MAST4: variants seen among roughly 807,000 people sequenced by gnomAD.
MAST4 encodes microtubule associated serine/threonine kinase family member 4.
A neutral mutation model predicts 162.7 loss-of-function variants in MAST4; 89 were observed. The ratio of observed to expected loss-of-function variants is 0.55; its 90% CI spans 0.46 to 0.65. The LOEUF is 0.65. Among genes scored for constraint, MAST4 ranks in the 30% least tolerant of loss-of-function variants. The probability of loss-of-function intolerance (pLI) is 0.00; values close to 1 mark genes in which losing one functional copy is unlikely to be tolerated. For missense variants in MAST4, 3,153 were observed against 3,374.0 expected (o/e 0.93, Z 1.62); for synonymous variants, 1,479 against 1,361.1 (o/e 1.09, Z -1.91).
intron 4 of MAST4, among the ~76,000 whole-genome samples, chr5:67,029,752 T>C (rs1755089317): frequency 6.6e-6 from 1 of 152,132 alleles, no homozygotes; most frequent in South Asian, 2.1e-4. Context: ...GTGGATGGAA[T>C]AGTAGGAGTT....
intron 3 of MAST4, among the ~76,000 whole-genome samples, chr5:66,832,529 T>C (rs1757680912): frequency 6.6e-6 from 1 of 152,178 alleles, no homozygotes; most frequent in Admixed American, 6.5e-5. Context: ...TGGTCTAGAA[T>C]TCAATTTTAG....
chr5:66,955,265 G>A (rs1372984691), intron 4 of MAST4, among the ~76,000 whole-genome samples: 1 of 151,608 alleles, frequency 6.6e-6, no homozygotes, highest in Admixed American at 6.6e-5. Flanking sequence ...TTTTCAAATA[G>A]GGTCAAGCAA....
intron 1 of MAST4, among the ~76,000 whole-genome samples, chr5:66,711,191 T>A (rs1387116683): frequency 2.0e-5 from 3 of 152,278 alleles, no homozygotes; most frequent in Admixed American, 2.0e-4. Context: ...CATTTCTGCA[T>A]GGTTATGCCA....
intron 13 of MAST4, among the ~76,000 whole-genome samples, chr5:67,120,416 G>T (rs995023420): frequency 6.6e-6 from 1 of 152,238 alleles, no homozygotes; most frequent in African/African-American, 2.4e-5. Flanking sequence ...GGGCATGAGA[G>T]AATTTTTTTA....
At chr5:67,056,512 T>G (rs914648034) in intron 5 of MAST4, among the ~76,000 whole-genome samples, 2 of 152,234 alleles carry the variant, frequency 1.3e-5, no homozygotes, top group African/African-American at 4.8e-5. Flanking sequence ...GATTCATCTT[T>G]TATAGCTGTG....
chr5:66,677,411 A>T (rs775314530), intron 1 of MAST4, among the ~76,000 whole-genome samples: 3 of 152,094 alleles, frequency 2.0e-5, no homozygotes, highest in Non-Finnish European at 2.9e-5. Context: ...ATTGTTCTGG[A>T]GTAATGAAAA....
intron 1 of MAST4, among the ~76,000 whole-genome samples, chr5:66,693,949 G>T (rs1749227407): frequency 6.6e-6 from 1 of 152,168 alleles, no homozygotes; most frequent in African/African-American, 2.4e-5. Flanking sequence ...AAAAGGCTTA[G>T]GTAGCTAAGG....
At chr5:66,811,903 A>C (rs1756498072) in intron 3 of MAST4, among the ~76,000 whole-genome samples, 2 of 152,240 alleles carry the variant, frequency 1.3e-5, no homozygotes, top group South Asian at 4.1e-4. Flanking sequence ...TGACTTTAGG[A>C]ATCAATACTG....
intron 1 of MAST4, among the ~76,000 whole-genome samples, chr5:66,656,716 G>A (rs192842037): frequency 3.9e-5 from 6 of 152,280 alleles, no homozygotes; most frequent in East Asian, 1.9e-4. Flanking sequence ...CATTGCAAGC[G>A]CACCTGCTTT....
chr5:66,823,481 C>T (rs1167030555), intron 3 of MAST4, among the ~76,000 whole-genome samples: 1 of 152,090 alleles, frequency 6.6e-6, no homozygotes, highest in East Asian at 1.9e-4. Context: ...CAAATGTTGG[C>T]CTTTGTTTTG....
At position 67,165,361 on chromosome 5, in the gene MAST4, T is replaced by G; in HGVS notation, c.6182T>G (p.Leu2061Arg). The G allele has an allele frequency of 6.2e-7, 1 of 1,613,692 alleles. No homozygotes were observed. Among genetic ancestry groups the G allele is most frequent in the Non-Finnish European group, 8.5e-7 (1 of 1,179,862 alleles). ...CCCCCGCCCAGAGACAACTCCTCTC[T>G]GCACTCAGCTGGAATTCCCTGTGAG... The part of the protein sequence containing the change: ...ARPPPRDNSS[L>R]HSAGIPCEKE... Residue 2061 changes from leucine to arginine, a missense_variant, in exon 29 of 29, where the codon CTG (leucine) becomes CGG (arginine). Coordinates refer to ENST00000403625, the MANE Select transcript of MAST4 (RefSeq NM_001164664.2).
At chr5:67,015,950 T>C (rs1318124796) in intron 4 of MAST4, among the ~76,000 whole-genome samples, 1 of 152,208 alleles carries the variant, frequency 6.6e-6, no homozygotes, top group African/African-American at 2.4e-5. Context: ...TCACATCACG[T>C]CATTTTTTCA....
Position 67,167,264 on chromosome 5 carries a change from CAAAAAAAAAAAAAAAA to C in MAST4, c.*227_*242del, listed in dbSNP as rs34486167. ...AAACTGTTACCAGATAGTGTTTGTA[CAAAAAAAAAAAAAAAA>C]AAAAAAAAAAAAATTACCTTTACAG... On this transcript the variant is annotated 3_prime_UTR_variant, in exon 29 of 29. Coordinates refer to ENST00000403625, the MANE Select transcript of MAST4 (RefSeq NM_001164664.2). 2 of 77,074 alleles carry C rather than the reference CAAAAAAAAAAAAAAAA, an allele frequency of 2.6e-5. No individual in the cohort carries two copies. Among genetic ancestry groups the C allele is most frequent in the East Asian group, 4.1e-4 (1 of 2,440 alleles). 4.8% of individuals were successfully genotyped at this position (77,074 alleles called of 1,614,324 possible).
At chr5:67,012,578 A>G (rs890357354) in intron 4 of MAST4, among the ~76,000 whole-genome samples, 1 of 152,218 alleles carries the variant, frequency 6.6e-6, no homozygotes, top group Non-Finnish European at 1.5e-5. Flanking sequence ...AGATGAAAGT[A>G]GATACAAAGT....
chr5:66,652,891 A>G (rs1173845891), intron 1 of MAST4, among the ~76,000 whole-genome samples: 1 of 152,178 alleles, frequency 6.6e-6, no homozygotes, highest in Non-Finnish European at 1.5e-5. Context: ...CTCCCCACTA[A>G]GTACCAACCT....
In MAST4 at chr5:66,687,568, A is replaced by C. The variant is rs187924820; in HGVS notation, c.364-72141A>C. Among the ~76,000 whole-genome samples, 6 of 151,506 alleles carry C rather than the reference A, an allele frequency of 4.0e-5. No homozygotes were observed. In the East Asian group the frequency reaches 1.2e-3, roughly 29 times the overall value. The stretch of plus-strand genomic sequence containing the variant: ...TATACATATATACACATGCATATAT[A>C]CACATGTATATGTGTATATATATAC... On this transcript the variant is annotated intron_variant, in intron 1 of 28. Transcript: ENST00000403625.
chr5:66,926,100 G>T (rs1301200817), intron 4 of MAST4, among the ~76,000 whole-genome samples: 1 of 152,020 alleles, frequency 6.6e-6, no homozygotes, highest in African/African-American at 2.4e-5. Context: ...GGTGATGTAG[G>T]CTCTCATTTA....
intron 4 of MAST4, among the ~76,000 whole-genome samples, chr5:66,957,166 G>T (rs1745416495): frequency 6.6e-6 from 1 of 152,096 alleles, no homozygotes; most frequent in African/African-American, 2.4e-5. Context: ...TGAGATGAAG[G>T]TCTACTTTAA....
At chr5:66,948,731 A>G (rs1744325559) in intron 4 of MAST4, among the ~76,000 whole-genome samples, 1 of 152,176 alleles carries the variant, frequency 6.6e-6, no homozygotes, top group African/African-American at 2.4e-5. Flanking sequence ...GAATGGGTAA[A>G]TAAGCCATCT....
Sources: allele counts gnomAD v4.1 joint callset (sites outside exome capture counted in the v4.1 genomes callset), GRCh38; gene constraint gnomAD v4.1.1; transcripts MANE v1.5; gene names NCBI Gene and HGNC (gene_info 2026-07-23, HGNC 2026-07-21).